The following ABCB4 variants were observed in gnomAD, a reference collection of about 807,000 sequenced individuals.
ABCB4 encodes phosphatidylcholine translocator ABCB4.
Under a neutral mutation model 145.7 loss-of-function variants are expected in ABCB4, and 76 were observed. The ratio of observed to expected loss-of-function variants is 0.52; its 90% CI spans 0.43 to 0.63. The LOEUF (loss-of-function observed/expected upper bound fraction) is 0.63. Ranked by LOEUF, ABCB4 falls within the 30% of genes least tolerant of loss-of-function variation. The probability of loss-of-function intolerance (pLI) is 0.00; values close to 1 mark genes in which losing one functional copy is unlikely to be tolerated. For missense variants in ABCB4, 1,234 were observed against 1,553.1 expected (o/e 0.79, Z 3.45); for synonymous variants, 517 against 566.8 (o/e 0.91, Z 1.25).
chr7:87,472,749 T>C, intron 2 of ABCB4, 74 bp from the exon 3 acceptor site: 2 of 1,029,470 alleles, frequency 1.9e-6, no homozygotes, highest in Admixed American at 3.9e-5. Flanking sequence ...TAAATATGTT[T>C]AGTTACAATA....
Position 87,409,242 on chromosome 7 carries a change from C to T in ABCB4, c.3075G>A (p.Leu1025=), listed in dbSNP as rs1808428703. 5 of 1,614,066 alleles carry T rather than the reference C, an allele frequency of 3.1e-6. No individual in the cohort carries two copies. In the East Asian group the frequency reaches 1.1e-4, roughly 36 times the overall value. Residue 1025 remains leucine (L), a synonymous_variant, in exon 24 of 28, where the codon CTG becomes CTA. Coordinates refer to ENST00000649586, the MANE Select transcript of ABCB4 (RefSeq NM_000443.4). Reference sequence around the variant, plus strand: ...CAGGCATCAGAGAACTTACAGGCTTCAGCCCCTCTTCACTGTAGCTGTCAA... The same window carrying T: ...CAGGCATCAGAGAACTTACAGGCTTTAGCCCCTCTTCACTGTAGCTGTCAA... ...PLIDSYSEEG[L]KPDKFEGNIT... is the part of the protein sequence containing the mutation.
intron 6 of ABCB4, chr7:87,452,686 G>A: frequency 1.9e-6 from 1 of 533,272 alleles, no homozygotes; most frequent in South Asian, 2.1e-5. Flanking sequence ...ACGTCCTGCA[G>A]TAGAAAGTTC....
At chr7:87,475,876 G>C (rs1476893231), upstream of ABCB4, 1 of 152,486 alleles carries the variant, frequency 6.6e-6, no homozygotes, top group Non-Finnish European at 1.5e-5. Flanking sequence ...TGCCGCTCTT[G>C]CCGCCGGGGC....
intron 4 of ABCB4, among the ~76,000 whole-genome samples, chr7:87,456,521 A>C (rs1812111063): frequency 6.6e-6 from 1 of 152,092 alleles, no homozygotes; most frequent in Admixed American, 6.5e-5. Context: ...TCTGCTCCCC[A>C]TTCACCTTCC....
intron 14 of ABCB4, among the ~76,000 whole-genome samples, chr7:87,434,607 G>C (rs546971558): frequency 6.6e-6 from 1 of 152,122 alleles, no homozygotes; most frequent in Non-Finnish European, 1.5e-5. Context: ...AATTAGCTGG[G>C]CGTGGTTGCA....
At chr7:87,475,725 C>T (rs1186483000), upstream of ABCB4, 4 of 395,580 alleles carry the variant, frequency 1.0e-5, no homozygotes, top group South Asian at 1.2e-4. Context: ...CTCGCCCCCG[C>T]CCCCGCCCCC....
intron 19 of ABCB4, 43 bp from the exon 20 acceptor site, chr7:87,418,663 C>T: frequency 6.3e-7 from 1 of 1,591,504 alleles, no homozygotes. Context: ...AAAATTAAAA[C>T]AAGCAAAGAA....
chr7:87,408,878 A>G (rs1808405536), intron 24 of ABCB4, among the ~76,000 whole-genome samples: 1 of 152,204 alleles, frequency 6.6e-6, no homozygotes, highest in Admixed American at 6.5e-5. Flanking sequence ...CCTTCTTACC[A>G]ATTACATCTT....
In ABCB4 at chr7:87,447,116, AT is replaced by A; in HGVS notation, c.922del (p.Ile308TyrfsTer15). The A allele has an allele frequency of 6.2e-7, 1 of 1,613,968 alleles. No homozygotes were observed. Among genetic ancestry groups the A allele is most frequent in the African/African-American group, 1.3e-5 (1 of 75,048 alleles). ...GAAGGCCAGTGCATATGATGCATAT[AT>A]TAACAGGAAGGCAATACCCATGGAA... ...NISMGIAFLL[I>X]YASYALAFWY... On this transcript the variant is annotated frameshift_variant, in exon 9 of 28. Transcript: ENST00000649586. LOFTEE classifies it high-confidence loss of function.
intron 14 of ABCB4, among the ~76,000 whole-genome samples, chr7:87,436,037 C>T (rs887285480): frequency 1.2e-4 from 18 of 152,192 alleles, no homozygotes; most frequent in Non-Finnish European, 1.8e-4. Context: ...ACCTGTACAT[C>T]TGGCTGAGGA....
the ABCB4 span, among the ~76,000 whole-genome samples, chr7:87,371,993 CAAAAAAAAAAAAACA>C: frequency 5.0e-5 from 3 of 59,764 alleles, no homozygotes; most frequent in Admixed American, 5.4e-4. Context: ...GACGCTGTCT[CAAAAAAAAAAAAACA>C]AAAAAAAAAA....
chr7:87,437,315 A>G (rs1810672774), intron 14 of ABCB4, among the ~76,000 whole-genome samples: 1 of 152,154 alleles, frequency 6.6e-6, no homozygotes, highest in South Asian at 2.1e-4. Context: ...AGTCACATGG[A>G]GAATTGAGAT....
intron 14 of ABCB4, among the ~76,000 whole-genome samples, chr7:87,433,893 G>A (rs1325876557): frequency 1.3e-5 from 2 of 151,168 alleles, no homozygotes. Context: ...GAAACCTTTT[G>A]GAATCTTTTT....
chr7:87,373,963 T>G, the ABCB4 span, among the ~76,000 whole-genome samples: 1 of 152,104 alleles, frequency 6.6e-6, no homozygotes, highest in African/African-American at 2.4e-5. Flanking sequence ...AAAATTAGAC[T>G]TAAATAAAGC....
chr7:87,460,221 A>G (rs1220969762), intron 4 of ABCB4, among the ~76,000 whole-genome samples: 1 of 152,080 alleles, frequency 6.6e-6, no homozygotes, highest in African/African-American at 2.4e-5. Flanking sequence ...CTAAAATACC[A>G]TTGCTAATTC....
chr7:87,467,467 A>T (rs60624924), intron 3 of ABCB4, among the ~76,000 whole-genome samples: 6 of 151,854 alleles, frequency 4.0e-5, no homozygotes, highest in Admixed American at 3.3e-4. Flanking sequence ...AGACCCCACT[A>T]TCAGCATTAG....
At chr7:87,447,572 T>A (rs530062326) in intron 8 of ABCB4, among the ~76,000 whole-genome samples, 2 of 152,204 alleles carry the variant, frequency 1.3e-5, no homozygotes, top group Admixed American at 6.5e-5. Context: ...CAAACCAGAA[T>A]TGATTGTAAA....
At chr7:87,449,864 G>T in intron 8 of ABCB4, 104 bp downstream of exon 8, 4 of 1,559,636 alleles carry the variant, frequency 2.6e-6, no homozygotes, top group African/African-American at 1.4e-5. Context: ...ATGCGAGAAG[G>T]GTTAATATTA....
intron 9 of ABCB4, 116 bp from the exon 10 acceptor site, chr7:87,445,091 CTTT>C: frequency 1.7e-6 from 1 of 590,680 alleles, no homozygotes; most frequent in Non-Finnish European, 2.8e-6. Flanking sequence ...TTATCCTTTC[CTTT>C]TTTTTTTGTG....
Sources: gnomAD v4.1 joint callset for allele counts (sites outside exome capture counted in the v4.1 genomes callset) on GRCh38, gnomAD v4.1.1 for gene constraint, MANE v1.5 for transcripts, NCBI Gene and HGNC (gene_info 2026-07-23, HGNC 2026-07-21) for gene names.